Variants in BMPR1B observed in about 807,000 individuals in gnomAD.
BMPR1B encodes the protein bone morphogenetic protein receptor type 1B, also known as bone morphogenetic protein receptor type-1B.
In BMPR1B, 12 loss-of-function variants were observed where a neutral mutation model predicts 59.1. The observed-to-expected ratio is 0.20, with a 90% confidence interval of 0.13 to 0.33. BMPR1B has a LOEUF of 0.33. Ranked by LOEUF, BMPR1B falls within the 10% of genes least tolerant of loss-of-function variation. The pLI is 1.00. For missense variants in BMPR1B, 550 were observed against 610.9 expected (o/e 0.90, Z 1.05); for synonymous variants, 237 against 207.3 (o/e 1.14, Z -1.23).
At chr4:95,059,269 C>T (rs1444517431) in intron 3 of BMPR1B, among the ~76,000 whole-genome samples, 1 of 152,146 alleles carries the variant, frequency 6.6e-6, no homozygotes, top group Non-Finnish European at 1.5e-5. Flanking sequence ...TCTTCACACA[C>T]TTGCTTAGAC....
chr4:94,949,960 CT>C (rs1458501961), intron 2 of BMPR1B, among the ~76,000 whole-genome samples: 1 of 152,114 alleles, frequency 6.6e-6, no homozygotes, highest in Non-Finnish European at 1.5e-5. Flanking sequence ...CTGTTGTTTC[CT>C]GACTTTTTAA....
chr4:95,091,253 CTTTCTTTT>C (rs1376108806), intron 3 of BMPR1B, among the ~76,000 whole-genome samples: 7 of 151,138 alleles, frequency 4.6e-5, no homozygotes, highest in Admixed American at 4.0e-4. Flanking sequence ...TTTTTCTTTT[CTTTCTTTT>C]TTTCTTTTCT....
At chr4:94,854,735 T>C (rs80180053) in intron 1 of BMPR1B, among the ~76,000 whole-genome samples, 3,048 of 152,270 alleles carry the variant, frequency 0.02, 123 homozygotes, top group African/African-American at 0.068. Context: ...CTAGCAAGCC[T>C]ATTCTTGGCC....
chr4:95,114,500 G>T (rs1312697887), intron 4 of BMPR1B, among the ~76,000 whole-genome samples: 1 of 152,058 alleles, frequency 6.6e-6, no homozygotes, highest in Non-Finnish European at 1.5e-5. Flanking sequence ...CAAGTTTCTG[G>T]ACAAAGGAGA....
chr4:95,047,466 T>C (rs1051413278), intron 3 of BMPR1B, among the ~76,000 whole-genome samples: 1 of 152,122 alleles, frequency 6.6e-6, no homozygotes, highest in Non-Finnish European at 1.5e-5. Flanking sequence ...GTTGAGGAGG[T>C]AGACCACAGA....
chr4:94,766,880 GCTTC>G (rs1721990599), intron 1 of BMPR1B, among the ~76,000 whole-genome samples: 1 of 151,958 alleles, frequency 6.6e-6, no homozygotes. Flanking sequence ...TTTCAAAAGA[GCTTC>G]CTTCCTTACC....
intron 2 of BMPR1B, among the ~76,000 whole-genome samples, chr4:94,901,956 ATATT>A (rs1727825063): frequency 1.3e-5 from 2 of 151,744 alleles, no homozygotes; most frequent in East Asian, 3.9e-4. Flanking sequence ...ACATAGGTAT[ATATT>A]CATATGAAGA....
At chr4:94,808,668 T>A (rs901029380) in intron 1 of BMPR1B, among the ~76,000 whole-genome samples, 2 of 152,174 alleles carry the variant, frequency 1.3e-5, no homozygotes, top group Non-Finnish European at 2.9e-5. Context: ...TTATGCTTAT[T>A]TTTGTCAACA....
In BMPR1B at chr4:95,145,343, T is replaced by A. The variant is rs549655904; in HGVS notation, c.1077-3405T>A. Among the ~76,000 whole-genome samples, 210 of 152,330 alleles carry A rather than the reference T, an allele frequency of 1.4e-3. 1 individual carries two copies. The East Asian group carries it at 0.034, about 24-fold the overall frequency. On this transcript the variant is annotated intron_variant, in intron 10 of 12. Coordinates refer to ENST00000515059, the MANE Select transcript of BMPR1B (RefSeq NM_001203.3). ...GAGTCTACAGCCCTTGTGCAGTATCTATCTTTTCTTGTCAACCTTGTTTCT... is the reference window on the plus strand; with the variant it reads ...GAGTCTACAGCCCTTGTGCAGTATCAATCTTTTCTTGTCAACCTTGTTTCT...
At chr4:94,871,128 A>ATAAC (rs1198982842) in intron 1 of BMPR1B, among the ~76,000 whole-genome samples, 1 of 152,210 alleles carries the variant, frequency 6.6e-6, no homozygotes, top group African/African-American at 2.4e-5. Context: ...AGAGAAGTTA[A>ATAAC]GCAGCTTGCC....
At chr4:94,944,535 T>C (rs1729634993) in intron 2 of BMPR1B, among the ~76,000 whole-genome samples, 1 of 152,172 alleles carries the variant, frequency 6.6e-6, no homozygotes, top group Admixed American at 6.5e-5. Context: ...GACATGTATG[T>C]GATAACTAAA....
intron 2 of BMPR1B, among the ~76,000 whole-genome samples, chr4:94,994,874 A>C (rs1338021855): frequency 6.6e-6 from 1 of 152,174 alleles, no homozygotes; most frequent in African/African-American, 2.4e-5. Flanking sequence ...ACTGTAAGTA[A>C]TCAGGCAAGG....
intron 4 of BMPR1B, among the ~76,000 whole-genome samples, chr4:95,113,379 G>A (rs905036410): frequency 6.6e-6 from 1 of 152,118 alleles, no homozygotes; most frequent in Non-Finnish European, 1.5e-5. Flanking sequence ...ACCACTTGAG[G>A]CTTATAAACC....
intron 4 of BMPR1B, among the ~76,000 whole-genome samples, chr4:95,106,277 A>C (rs1479506574): frequency 6.6e-6 from 1 of 151,974 alleles, no homozygotes; most frequent in Non-Finnish European, 1.5e-5. Context: ...GGAGTTTTGC[A>C]GCAGGAGTGG....
At chr4:95,009,062 GA>G (rs373633624) in intron 3 of BMPR1B, among the ~76,000 whole-genome samples, 1 of 149,968 alleles carries the variant, frequency 6.7e-6, no homozygotes, top group Non-Finnish European at 1.5e-5. Flanking sequence ...GTCTCTCTTA[GA>G]AAAAAAAAGA....
At position 94,970,291 on chromosome 4, in the gene BMPR1B, CTTCTCTTCTCT is replaced by C. The variant is rs1560573121; in HGVS notation, c.-112-25747_-112-25737del. Among the ~76,000 whole-genome samples, 215 of 53,344 alleles carry C rather than the reference CTTCTCTTCTCT, an allele frequency of 4.0e-3. 1 individual carries two copies. In the South Asian group the frequency reaches 0.064, roughly 16 times the overall value. 35.0% of individuals were successfully genotyped at this position (53,344 alleles called of 152,430 possible). On this transcript the variant is annotated intron_variant, in intron 2 of 12. Transcript: ENST00000515059. Reference sequence around the variant, plus strand: ...CTTCTCTTCTCTTCTCTTCTCTTCTCTTCTCTTCTCTTCTTTCTCTCTCTCTTTCTCTCTTT... The same window carrying C: ...CTTCTCTTCTCTTCTCTTCTCTTCTCTCTTTCTCTCTCTCTTTCTCTCTTT...
intron 3 of BMPR1B, among the ~76,000 whole-genome samples, chr4:95,053,281 T>TTTGTGTGTGTGTGTGTGTGTG (rs947790944): frequency 8.2e-5 from 11 of 134,324 alleles, no homozygotes; most frequent in African/African-American, 2.2e-4. Context: ...TGCAGGGCAC[T>TTTGTGTGTGTGTGTGTGTGTG]TGTGTGTGTG....
intron 2 of BMPR1B, among the ~76,000 whole-genome samples, chr4:94,983,003 C>A (rs1162677216): frequency 1.4e-5 from 2 of 146,378 alleles, no homozygotes; most frequent in African/African-American, 5.2e-5. Context: ...AAAAAAAAAA[C>A]AAACGAAAAA....
At chr4:94,892,557 A>T (rs2148991708) in intron 2 of BMPR1B, among the ~76,000 whole-genome samples, 1 of 152,202 alleles carries the variant, frequency 6.6e-6, no homozygotes, top group East Asian at 1.9e-4. Context: ...AAAAAGGGTA[A>T]TATTTAGTCA....
Sources: gnomAD v4.1 joint callset for allele counts (sites outside exome capture counted in the v4.1 genomes callset) on GRCh38, gnomAD v4.1.1 for gene constraint, MANE v1.5 for transcripts, NCBI Gene and HGNC (gene_info 2026-07-23, HGNC 2026-07-21) for gene names.